The following MUC7 variants were observed in gnomAD, a reference collection of about 807,000 sequenced individuals.
The protein encoded by MUC7 is mucin 7, secreted, also known as mucin-7.
A neutral mutation model predicts 2.5 loss-of-function variants in MUC7; 2 were observed. That is an observed-to-expected ratio of 0.81 (90% confidence interval 0.33 to 2.55). The LOEUF (loss-of-function observed/expected upper bound fraction) is 2.55. Among genes scored for constraint, MUC7 ranks in the 30% most tolerant of loss-of-function variants. The pLI is 0.11. For synonymous variants in MUC7, 133 were observed against 173.4 expected (o/e 0.77, Z 1.83); for missense variants, 408 against 455.6 (o/e 0.90, Z 0.95).
chr4:70,434,709 C>G (rs1048933299), intron 1 of MUC7, among the ~76,000 whole-genome samples: 2 of 152,096 alleles, frequency 1.3e-5, no homozygotes, highest in African/African-American at 4.8e-5. Flanking sequence ...GTCTCTACCC[C>G]CTTCAGTTCT....
chr4:70,459,038 G>C (rs1734481368), intron 1 of MUC7, among the ~76,000 whole-genome samples: 3 of 152,040 alleles, frequency 2.0e-5, no homozygotes, highest in Non-Finnish European at 4.4e-5. Flanking sequence ...ATATAAAGCA[G>C]TATTATAAAT....
At chr4:70,478,063 A>G (rs912528892) in intron 2 of MUC7, among the ~76,000 whole-genome samples, 1 of 152,146 alleles carries the variant, frequency 6.6e-6, no homozygotes, top group African/African-American at 2.4e-5. Context: ...AATCATAATA[A>G]CTAATCAATA....
chr4:70,442,243 C>A (rs987781946), intron 1 of MUC7, among the ~76,000 whole-genome samples: 2 of 152,122 alleles, frequency 1.3e-5, no homozygotes, highest in Non-Finnish European at 2.9e-5. Flanking sequence ...ACTCTTTTTG[C>A]ATTTCTCCTA....
At chr4:70,477,018 T>C (rs1735025654) in intron 2 of MUC7, among the ~76,000 whole-genome samples, 1 of 152,206 alleles carries the variant, frequency 6.6e-6, no homozygotes, top group Non-Finnish European at 1.5e-5. Flanking sequence ...AGCATAATGC[T>C]TTCATTCTCT....
upstream of MUC7, among the ~76,000 whole-genome samples, chr4:70,471,511 TAG>T (rs1734834547): frequency 6.6e-6 from 1 of 152,170 alleles, no homozygotes; most frequent in Non-Finnish European, 1.5e-5. Context: ...AATGCTGAAA[TAG>T]AGAGTAGCTG....
At chr4:70,455,652 A>G (rs1717304364) in intron 1 of MUC7, among the ~76,000 whole-genome samples, 2 of 152,306 alleles carry the variant, frequency 1.3e-5, no homozygotes, top group South Asian at 2.1e-4. Context: ...TAAAATTTTT[A>G]TCTACTATTT....
chr4:70,440,816 G>C (rs989453999), intron 1 of MUC7, among the ~76,000 whole-genome samples: 1 of 152,006 alleles, frequency 6.6e-6, no homozygotes, highest in Non-Finnish European at 1.5e-5. Context: ...GAGGGAAAGA[G>C]AATGGATGAG....
At chr4:70,445,288 T>A (rs1170149990) in intron 1 of MUC7, among the ~76,000 whole-genome samples, 23 of 152,126 alleles carry the variant, frequency 1.5e-4, no homozygotes, top group Admixed American at 1.5e-3. Context: ...ATTACCTTCC[T>A]TGAAACCACA....
At chr4:70,479,041 A>C (rs1275656400) in intron 2 of MUC7, among the ~76,000 whole-genome samples, 1 of 152,172 alleles carries the variant, frequency 6.6e-6, no homozygotes, top group African/African-American at 2.4e-5. Flanking sequence ...TGTTGTGGAG[A>C]ATGTCCAGAT....
At chr4:70,444,540 C>T (rs1353913360) in intron 1 of MUC7, among the ~76,000 whole-genome samples, 1 of 152,222 alleles carries the variant, frequency 6.6e-6, no homozygotes, top group Admixed American at 6.5e-5. Flanking sequence ...TTTGACTCAA[C>T]CTCCCCATCT....
chr4:70,438,828 T>C (rs1733929187), intron 1 of MUC7, among the ~76,000 whole-genome samples: 1 of 152,182 alleles, frequency 6.6e-6, no homozygotes, highest in Admixed American at 6.5e-5. Context: ...TCTAAATGTT[T>C]TTTCCAATAA....
At chr4:70,448,900 T>A (rs889125790) in intron 1 of MUC7, among the ~76,000 whole-genome samples, 1 of 152,208 alleles carries the variant, frequency 6.6e-6, no homozygotes, top group African/African-American at 2.4e-5. Flanking sequence ...AGTTTCATAG[T>A]TTGAGGTCTT....
At chr4:70,432,463 G>A (rs557828306) in intron 1 of MUC7, among the ~76,000 whole-genome samples, 17 of 152,238 alleles carry the variant, frequency 1.1e-4, no homozygotes, top group East Asian at 3.9e-4. Context: ...ATGGTATCTG[G>A]TTGTGGTTTT....
intron 1 of MUC7, among the ~76,000 whole-genome samples, chr4:70,448,871 C>T (rs545651427): frequency 1.3e-5 from 2 of 152,132 alleles, no homozygotes; most frequent in East Asian, 3.9e-4. Flanking sequence ...GGAGAGTTTC[C>T]CCAATGTTTT....
intron 1 of MUC7, among the ~76,000 whole-genome samples, chr4:70,450,237 C>T (rs532898749): frequency 1.3e-5 from 2 of 152,336 alleles, no homozygotes; most frequent in East Asian, 1.9e-4. Context: ...CACTGCCACC[C>T]CAGGCACAAG....
rs562089781 is a variant in MUC7 at position 70,458,032 on chromosome 4, GA to G, written c.-92-14175del. Among the ~76,000 whole-genome samples, 1,187 of 151,272 alleles carry G rather than the reference GA, an allele frequency of 7.8e-3. 20 individuals are homozygous for G. Among genetic ancestry groups the G allele is most frequent in the African/African-American group, 0.026 (1,094 of 41,316 alleles). On this transcript the variant is annotated intron_variant, in intron 1 of 3. Coordinates refer to the MUC7 transcript ENST00000413702. ...TATTAAAAGCGAAGTTAGCATGAGGGAAAAAAAAGTAGCGATTAATCTCTCC... is the reference window on the plus strand; with the variant it reads ...TATTAAAAGCGAAGTTAGCATGAGGGAAAAAAAGTAGCGATTAATCTCTCC...
chr4:70,440,200 T>C (rs951724640), intron 1 of MUC7, among the ~76,000 whole-genome samples: 7 of 152,184 alleles, frequency 4.6e-5, no homozygotes, highest in African/African-American at 1.7e-4. Flanking sequence ...TGCATAATAT[T>C]ATATTACATA....
intron 1 of MUC7, among the ~76,000 whole-genome samples, chr4:70,434,224 G>A (rs1440834469): frequency 6.6e-6 from 1 of 152,106 alleles, no homozygotes; most frequent in African/African-American, 2.4e-5. Flanking sequence ...TCAGGATGAT[G>A]CTGGCCTCAT....
chr4:70,470,791 A>G (rs7696559), upstream of MUC7, among the ~76,000 whole-genome samples: 2,056 of 152,320 alleles, frequency 0.013, 48 homozygotes, highest in African/African-American at 0.047. Flanking sequence ...AAAGAAATTA[A>G]TATTATAGCC....
Sources: gnomAD v4.1 joint callset for allele counts (sites outside exome capture counted in the v4.1 genomes callset) on GRCh38, gnomAD v4.1.1 for gene constraint, MANE v1.5 for transcripts, NCBI Gene and HGNC (gene_info 2026-07-23, HGNC 2026-07-21) for gene names.